The following PRDM1 variants were observed in gnomAD, a reference collection of about 807,000 sequenced individuals.
PRDM1 encodes PR/SET domain 1, also known as PR domain zinc finger protein 1.
PRDM1 carries 13 observed loss-of-function variants against 62.8 expected under a neutral mutation model. The observed-to-expected ratio is 0.21, with a 90% CI of 0.13 to 0.33. PRDM1 has a LOEUF of 0.33. Ranked by LOEUF, PRDM1 falls within the 10% of genes least tolerant of loss-of-function variation. The pLI, the probability that PRDM1 is intolerant of heterozygous loss-of-function variation, is 1.00. For synonymous variants in PRDM1, 396 were observed against 417.6 expected, an observed-to-expected ratio of 0.95 and a Z score of 0.63; for missense variants, 895 against 1,058.8, an observed-to-expected ratio of 0.85 and a Z score of 2.15.
At chr6:106,025,882 C>A (rs1489399139) in intron 1 of PRDM1, among the ~76,000 whole-genome samples, 1 of 152,160 alleles carries the variant, frequency 6.6e-6, no homozygotes, top group Non-Finnish European at 1.5e-5. Context: ...AGTTGGCAAT[C>A]TCATATACAG....
chr6:105,998,927 ATATATATTTTTTTTTTTT>A (rs1161227719), intron 1 of PRDM1, among the ~76,000 whole-genome samples: 7 of 2,032 alleles, frequency 3.4e-3, no homozygotes, highest in African/African-American at 0.012. Context: ...ATATATATAT[ATATATATTTTTTTTTTTT>A]TTTTTCTTTT....
At chr6:106,061,088 G>A (rs910498973) in intron 1 of PRDM1, among the ~76,000 whole-genome samples, 10 of 152,214 alleles carry the variant, frequency 6.6e-5, no homozygotes, top group South Asian at 2.1e-4. Flanking sequence ...TTCTCTTTCC[G>A]GTTTTTAGCC....
At chr6:106,014,408 G>A (rs1582426236) in intron 1 of PRDM1, among the ~76,000 whole-genome samples, 1 of 146,544 alleles carries the variant, frequency 6.8e-6, no homozygotes, top group African/African-American at 2.5e-5. Context: ...TGTCTCCAGT[G>A]TCTGAAACAG....
intron 1 of PRDM1, among the ~76,000 whole-genome samples, chr6:106,033,067 G>A (rs1487813969): frequency 4.9e-5 from 2 of 40,938 alleles, no homozygotes; most frequent in Admixed American, 5.7e-4. Flanking sequence ...ACAAAACATG[G>A]GTAGTTTTTT....
upstream of PRDM1, among the ~76,000 whole-genome samples, chr6:106,082,143 C>T (rs1459185301): frequency 2.0e-5 from 3 of 152,196 alleles, no homozygotes; most frequent in Admixed American, 6.5e-5. Context: ...TTTCCTATTG[C>T]TCTTTTTCTC....
chr6:106,038,014 C>CTTTTTTTT (rs1227783243), intron 1 of PRDM1, among the ~76,000 whole-genome samples: 719 of 47,754 alleles, frequency 0.015, 228 homozygotes, highest in African/African-American at 0.053. Context: ...CTATTTTTGT[C>CTTTTTTTT]TTTTTTTTTT....
chr6:106,018,976 T>G (rs1772658556), intron 1 of PRDM1, among the ~76,000 whole-genome samples: 1 of 152,054 alleles, frequency 6.6e-6, no homozygotes, highest in Non-Finnish European at 1.5e-5. Flanking sequence ...GGGTTTTATA[T>G]TCTAAGAAGA....
chr6:106,101,887 T>C (rs965346620), intron 4 of PRDM1, among the ~76,000 whole-genome samples: 7 of 152,162 alleles, frequency 4.6e-5, no homozygotes, highest in African/African-American at 1.7e-4. Flanking sequence ...AATCACAAAA[T>C]GGCATTTTTC....
intron 1 of PRDM1, among the ~76,000 whole-genome samples, chr6:106,056,780 C>T (rs1046948265): frequency 2.0e-5 from 3 of 152,188 alleles, no homozygotes; most frequent in Non-Finnish European, 4.4e-5. Context: ...TCTCATTTTC[C>T]ACTTTTTCCT....
At position 106,106,798 on chromosome 6, in the gene PRDM1, C is replaced by G; in HGVS notation, c.1903-113C>G. 8.2e-7 allele frequency: 1 copy of G among 1,226,308 alleles called. No individual in the cohort carries two copies. The highest frequency in any genetic ancestry group is 2.3e-5 in the East Asian group (1 of 42,672). The allele number at this position is 1,226,308 out of a possible 1,614,324, so 76.0% of individuals were successfully genotyped here. ...CTGGAGGTGCCACAAGGAGGCTTCT[C>G]ACCTCCTAGGTTGCTGGGCGTTGGC... On this transcript the variant is annotated intron_variant, in intron 6 of 6. Coordinates refer to ENST00000369096, the MANE Select transcript of PRDM1 (RefSeq NM_001198.4). The surrounding 1 kb of genome is among the most constrained non-coding windows in gnomAD (Gnocchi z 4.4).
upstream of PRDM1, among the ~76,000 whole-genome samples, chr6:106,083,505 C>A (rs1773732853): frequency 6.6e-6 from 1 of 152,080 alleles, no homozygotes; most frequent in Non-Finnish European, 1.5e-5. Flanking sequence ...CATCTGGCCA[C>A]CAACATTGCA....
chr6:106,021,491 C>T (rs1772695080), intron 1 of PRDM1, among the ~76,000 whole-genome samples: 2 of 152,190 alleles, frequency 1.3e-5, no homozygotes, highest in African/African-American at 2.4e-5. Flanking sequence ...CTGAGAGGCT[C>T]CTCTCCTTTA....
chr6:106,011,577 A>G (rs1321113018), intron 1 of PRDM1, among the ~76,000 whole-genome samples: 1 of 152,128 alleles, frequency 6.6e-6, no homozygotes, highest in African/African-American at 2.4e-5. Context: ...GGCAGTGCCC[A>G]GACAAGTGGG....
At chr6:106,009,058 CTA>C (rs1411319258) in intron 1 of PRDM1, among the ~76,000 whole-genome samples, 2 of 152,220 alleles carry the variant, frequency 1.3e-5, no homozygotes, top group Non-Finnish European at 2.9e-5. Context: ...CTGCCACGTT[CTA>C]TGTCTACCCT....
At chr6:106,045,311 C>T (rs1773057173), upstream of PRDM1, 1 of 151,762 alleles carries the variant, frequency 6.6e-6, no homozygotes, top group Non-Finnish European at 1.5e-5. Context: ...TTAAGGGTTG[C>T]AAGTCCACAC....
At chr6:106,089,597 C>T (rs1299365950) in intron 2 of PRDM1, among the ~76,000 whole-genome samples, 4 of 152,004 alleles carry the variant, frequency 2.6e-5, no homozygotes, top group African/African-American at 9.7e-5. Flanking sequence ...TTCTTTTTTC[C>T]CCCACTGCTG....
At chr6:106,086,201 C>G (rs561352793), upstream of PRDM1, 256 of 332,878 alleles carry the variant, frequency 7.7e-4, 1 homozygote, top group Non-Finnish European at 1.3e-3. Flanking sequence ...AGAGGAAGCT[C>G]TCGGCGGCTG....
chr6:106,049,236 C>T (rs964666611), intron 1 of PRDM1, among the ~76,000 whole-genome samples: 3 of 152,212 alleles, frequency 2.0e-5, no homozygotes, highest in African/African-American at 7.2e-5. Flanking sequence ...AAACTACTTG[C>T]AGCTCCCAAA....
Position 106,032,146 on chromosome 6 carries a change from A to G in PRDM1, c.-67+38507A>G, listed in dbSNP as rs115933015. On this transcript the variant is annotated intron_variant, in intron 1 of 6. Coordinates refer to the PRDM1 transcript ENST00000652320. ...ATTATCAAGAAAGTAAAGTAATAAA[A>G]TAGCTAGGCATATTAAAGAATACTT... Among the ~76,000 whole-genome samples the G allele has an allele frequency of 5.9e-3, 900 of 152,120 alleles. 12 individuals are homozygous for G. The highest frequency in any genetic ancestry group is 0.021 in the African/African-American group (854 of 41,558).
Sources: allele counts gnomAD v4.1 joint callset (sites outside exome capture counted in the v4.1 genomes callset), GRCh38; gene constraint gnomAD v4.1.1; non-coding constraint Gnocchi (gnomAD v3.1); transcripts MANE v1.5; gene names NCBI Gene and HGNC (gene_info 2026-07-23, HGNC 2026-07-21).